Variants in ZFYVE28 observed in about 807,000 individuals in gnomAD.
The protein encoded by ZFYVE28 is lateral signaling target protein 2 homolog.
A neutral mutation model predicts 82.1 loss-of-function variants in ZFYVE28; 40 were observed. The ratio of observed to expected loss-of-function variants is 0.49; its 90% CI spans 0.38 to 0.63. ZFYVE28 has a LOEUF of 0.63. Ranked by LOEUF, ZFYVE28 falls within the 30% of genes least tolerant of loss-of-function variation. The pLI is 0.00. For missense variants in ZFYVE28, 1,321 were observed against 1,242.1 expected (o/e 1.06, Z -0.96); for synonymous variants, 612 against 546.1 (o/e 1.12, Z -1.68).
At chr4:2,315,348 T>C (rs960731240) in intron 7 of ZFYVE28, among the ~76,000 whole-genome samples, 5 of 152,184 alleles carry the variant, frequency 3.3e-5, no homozygotes, top group African/African-American at 1.2e-4. Context: ...AGCGGTGGCG[T>C]GATCTCTGCT....
In ZFYVE28 at chr4:2,341,757, T is replaced by C; in HGVS notation, c.181-142A>G. The C allele has an allele frequency of 8.2e-7, 1 of 1,214,268 alleles. No homozygotes were observed. Among genetic ancestry groups the C allele is most frequent in the Non-Finnish European group, 1.1e-6 (1 of 880,986 alleles). The allele number at this position is 1,214,268 out of a possible 1,614,324, so 75.2% of individuals were successfully genotyped here. On this transcript the variant is annotated intron_variant, in intron 2 of 12. Coordinates refer to ENST00000290974, the MANE Select transcript of ZFYVE28 (RefSeq NM_020972.3). The surrounding 1 kb of genome is among the most constrained non-coding windows in gnomAD (Gnocchi z 4.5). ...AGAGGAGGCTAGGCACGGTGGCTCA[T>C]GCCTATAATGCCAGCACTTTGGGAG...
In ZFYVE28 at chr4:2,361,267, A is replaced by C. The variant is rs890152649; in HGVS notation, c.40-7194T>G. 4.2e-4 allele frequency among the ~76,000 whole-genome samples: 27 copies of C among 64,642 alleles called. 1 individual carries two copies. 42.4% of individuals were successfully genotyped at this position (64,642 alleles called of 152,430 possible). The stretch of plus-strand genomic sequence containing the variant: ...AGGAGAAAATATGCACGAACAAAGC[A>C]GCTCTCGGTTCAAAAAATACAAGGA... On this transcript the variant is annotated intron_variant, in intron 1 of 12. Transcript: ENST00000290974.
intron 7 of ZFYVE28, among the ~76,000 whole-genome samples, chr4:2,309,162 T>A (rs1244273513): frequency 6.6e-6 from 1 of 152,214 alleles, no homozygotes; most frequent in Non-Finnish European, 1.5e-5. Flanking sequence ...ACCAAATTAG[T>A]TACCACAAGA....
At chr4:2,410,731 G>A (rs987078701) in intron 1 of ZFYVE28, among the ~76,000 whole-genome samples, 2 of 152,036 alleles carry the variant, frequency 1.3e-5, no homozygotes, top group African/African-American at 4.8e-5. Flanking sequence ...TCCTGACCTC[G>A]TGATCCGCCT....
chr4:2,369,774 AC>A (rs1451609346), intron 1 of ZFYVE28, among the ~76,000 whole-genome samples: 5 of 151,158 alleles, frequency 3.3e-5, no homozygotes, highest in Non-Finnish European at 7.4e-5. Flanking sequence ...CCCAAAAGAA[AC>A]CAGTGCTGCC....
rs751784675 is a variant in ZFYVE28, at chr4:2,393,092, G to A, written c.39+25193C>T. Among the ~76,000 whole-genome samples the A allele has an allele frequency of 5.9e-5, 9 of 152,268 alleles. No individual in the cohort carries two copies. The East Asian group carries it at 1.7e-3, about 29-fold the overall frequency. On this transcript the variant is annotated intron_variant, in intron 1 of 12. Transcript: ENST00000290974. Reference sequence around the variant, plus strand: ...CTGCGTCTGCCCCTCCTTTGAGGACGCTGTCATATTGATCATGGCCAGTCA... The same window carrying A: ...CTGCGTCTGCCCCTCCTTTGAGGACACTGTCATATTGATCATGGCCAGTCA...
chr4:2,399,084 A>AGCGTGGG (rs1446495524), intron 1 of ZFYVE28, among the ~76,000 whole-genome samples: 7 of 36,516 alleles, frequency 1.9e-4, no homozygotes, highest in East Asian at 9.4e-4. Flanking sequence ...ACAAGCGTGA[A>AGCGTGGG]GGTGAGATCC....
chr4:2,377,797 T>TCA (rs1337087811), intron 1 of ZFYVE28, among the ~76,000 whole-genome samples: 1 of 152,260 alleles, frequency 6.6e-6, no homozygotes, highest in Non-Finnish European at 1.5e-5. Context: ...CAGGTATTTC[T>TCA]GAACGATGTG....
chr4:2,303,941 C>T (rs560939851), intron 8 of ZFYVE28, among the ~76,000 whole-genome samples: 3 of 152,250 alleles, frequency 2.0e-5, no homozygotes, highest in Non-Finnish European at 4.4e-5. Flanking sequence ...CCCGCACAGG[C>T]ACGCGGCTCA....
intron 2 of ZFYVE28, among the ~76,000 whole-genome samples, chr4:2,351,168 G>A (rs561096078): frequency 3.3e-5 from 5 of 152,144 alleles, no homozygotes; most frequent in East Asian, 3.9e-4. Flanking sequence ...AGGTCACTCC[G>A]GGTGGACAGT....
chr4:2,293,711 C>A (rs931304007), intron 8 of ZFYVE28, among the ~76,000 whole-genome samples: 6 of 148,912 alleles, frequency 4.0e-5, no homozygotes, highest in African/African-American at 1.2e-4. Flanking sequence ...CGAGATCACA[C>A]CACTGCACTC....
intron 1 of ZFYVE28, among the ~76,000 whole-genome samples, chr4:2,367,346 GC>G (rs144031849): frequency 0.035 from 5,391 of 152,316 alleles, 357 homozygotes; most frequent in African/African-American, 0.12. Flanking sequence ...CTAGCAGGGT[GC>G]CCCCGGGGTG....
chr4:2,399,081 T>G (rs1350090028), intron 1 of ZFYVE28, among the ~76,000 whole-genome samples: 98 of 92,118 alleles, frequency 1.1e-3, no homozygotes, highest in South Asian at 1.9e-3. Flanking sequence ...GGCACAAGCG[T>G]GAAGGTGAGA....
At chr4:2,284,609 T>A (rs747730007) in intron 8 of ZFYVE28, among the ~76,000 whole-genome samples, 1 of 152,144 alleles carries the variant, frequency 6.6e-6, no homozygotes, top group Non-Finnish European at 1.5e-5. Context: ...AATCCCACAG[T>A]CCTGGACGCC....
At chr4:2,377,899 G>A (rs189566711) in intron 1 of ZFYVE28, among the ~76,000 whole-genome samples, 4 of 152,302 alleles carry the variant, frequency 2.6e-5, no homozygotes, top group Admixed American at 6.5e-5. Context: ...CCCCGCCTCC[G>A]ACAGACCTAG....
In ZFYVE28 at chr4:2,408,093, G is replaced by C. The variant is rs1732116901; in HGVS notation, c.39+10192C>G. ...GTGACCCTGTGCTGAAGTGGCCTAT[G>C]GGGCTTTCCTGGCCCCCTGGCCTCC... On this transcript the variant is annotated intron_variant, in intron 1 of 12. Coordinates refer to ENST00000290974, the MANE Select transcript of ZFYVE28 (RefSeq NM_020972.3). The surrounding 1 kb of genome is among the most constrained non-coding windows in gnomAD (Gnocchi z 4.3). 6.6e-6 allele frequency among the ~76,000 whole-genome samples: 1 copy of C among 152,126 alleles called. No homozygotes were observed. The highest frequency in any genetic ancestry group is 2.4e-5 in the African/African-American group (1 of 41,420).
At chr4:2,305,750 C>T (rs952472324) in intron 7 of ZFYVE28, among the ~76,000 whole-genome samples, 2 of 152,218 alleles carry the variant, frequency 1.3e-5, no homozygotes, top group African/African-American at 2.4e-5. Flanking sequence ...TCAAGGTGGC[C>T]GGCTGGGATT....
chr4:2,275,896 G>A (rs532339301), intron 8 of ZFYVE28, among the ~76,000 whole-genome samples: 8 of 152,350 alleles, frequency 5.3e-5, no homozygotes, highest in African/African-American at 1.9e-4. Context: ...TCCCAAGTCC[G>A]CCAGCAATGG....
rs901250470 is a variant in ZFYVE28, at chr4:2,353,829, C to T, written c.180+104G>A. On this transcript the variant is annotated intron_variant, in intron 2 of 12. Coordinates refer to ENST00000290974, the MANE Select transcript of ZFYVE28 (RefSeq NM_020972.3). ...CTCTAGCACCCGACCCTGACAACGC[C>T]ACCACAGGGGGCCAGCAGGTGACAA... The T allele has an allele frequency of 3.2e-5, 41 of 1,272,090 alleles. No individual in the cohort carries two copies. In the African/African-American group the frequency reaches 5.9e-4, roughly 18 times the overall value. The allele number at this position is 1,272,090 out of a possible 1,614,324, so 78.8% of individuals were successfully genotyped here. A position where few individuals can be genotyped will look rare whatever the true frequency, so the allele number is the denominator to read the frequency against.
Sources: allele counts gnomAD v4.1 joint callset (sites outside exome capture counted in the v4.1 genomes callset), GRCh38; gene constraint gnomAD v4.1.1; non-coding constraint Gnocchi (gnomAD v3.1); transcripts MANE v1.5; gene names NCBI Gene and HGNC (gene_info 2026-07-23, HGNC 2026-07-21).